Variants in LPCAT1 observed in about 807,000 individuals in gnomAD.
LPCAT1 encodes the protein 1-acylglycerol-3-phosphate O-acyltransferase.
A neutral mutation model predicts 60.9 loss-of-function variants in LPCAT1; 23 were observed. That is an observed-to-expected ratio of 0.38 (90% CI 0.27 to 0.53). LPCAT1 has a LOEUF of 0.53. LPCAT1 is among the 20% of genes least tolerant of loss of function. The pLI is 0.82. For missense variants in LPCAT1, 622 were observed against 723.6 expected (o/e 0.86, Z 1.61); for synonymous variants, 340 against 301.1 (o/e 1.13, Z -1.34).
intron 9 of LPCAT1, among the ~76,000 whole-genome samples, chr5:1,475,546 T>C (rs935796283): frequency 1.3e-5 from 2 of 152,142 alleles, no homozygotes; most frequent in Non-Finnish European, 2.9e-5. Context: ...GCGAGCCCCA[T>C]CCCAGATGAA....
chr5:1,475,567 G>A (rs960758667), intron 9 of LPCAT1, among the ~76,000 whole-genome samples: 4 of 152,356 alleles, frequency 2.6e-5, no homozygotes, highest in South Asian at 2.1e-4. Context: ...AACCAAGGTC[G>A]AGGAAGGATG....
intron 3 of LPCAT1, among the ~76,000 whole-genome samples, chr5:1,492,150 C>T (rs530966713): frequency 2.1e-4 from 27 of 126,742 alleles, no homozygotes; most frequent in African/African-American, 6.2e-4. Context: ...GCTGGGACCA[C>T]GGGAGATGTC....
At chr5:1,472,347 A>G (rs1180176459) in intron 11 of LPCAT1, among the ~76,000 whole-genome samples, 3 of 152,092 alleles carry the variant, frequency 2.0e-5, no homozygotes, top group Non-Finnish European at 4.4e-5. Context: ...GGTGAGACGC[A>G]CACAGGTCCC....
At position 1,483,489 on chromosome 5, in the gene LPCAT1, G is replaced by A; in HGVS notation, c.668-3C>T. ...GGGCGCTCCAGGGATGAATGCACCT[G>A]CCGAGAAAGGAACAGCGGTGTTGCC... On this transcript the variant is annotated splice_polypyrimidine_tract_variant and splice_region_variant and intron_variant, in intron 5 of 13. Coordinates refer to ENST00000283415, the MANE Select transcript of LPCAT1 (RefSeq NM_024830.5). The surrounding 1 kb of genome is among the most constrained non-coding windows in gnomAD (Gnocchi z 9.2). 1.2e-6 allele frequency: 2 copies of A among 1,613,706 alleles called. No individual in the cohort carries two copies. Among genetic ancestry groups the A allele is most frequent in the Non-Finnish European group, 1.7e-6 (2 of 1,179,960 alleles).
Position 1,487,187 on chromosome 5 carries a change from G to A in LPCAT1, c.667+1204C>T, listed in dbSNP as rs1400655329. 1.3e-5 allele frequency among the ~76,000 whole-genome samples: 2 copies of A among 152,214 alleles called. No individual in the cohort carries two copies. The highest frequency in any genetic ancestry group is 2.9e-5 in the Non-Finnish European group (2 of 68,044). The stretch of plus-strand genomic sequence containing the variant: ...ACAAGACCTGACGTACTTGCCAGCT[G>A]TCTTCTGCCTGGGGCCTTGGAAACA... On this transcript the variant is annotated intron_variant, in intron 5 of 13. Coordinates refer to ENST00000283415, the MANE Select transcript of LPCAT1 (RefSeq NM_024830.5). The surrounding 1 kb of genome is among the most constrained non-coding windows in gnomAD (Gnocchi z 6.1).
chr5:1,500,442 T>C (rs1304179500), intron 2 of LPCAT1, among the ~76,000 whole-genome samples: 1 of 152,252 alleles, frequency 6.6e-6, no homozygotes, highest in African/African-American at 2.4e-5. Context: ...GTATTCCTCA[T>C]CGGGTAGGTG....
intron 1 of LPCAT1, among the ~76,000 whole-genome samples, chr5:1,504,411 C>T (rs886787969): frequency 1.3e-5 from 2 of 152,258 alleles, no homozygotes; most frequent in Non-Finnish European, 2.9e-5. Flanking sequence ...ACAAGCCTGG[C>T]TCTGCTGTTA....
rs1030490319 is a variant in LPCAT1 at position 1,480,396 on chromosome 5, C to T, written c.761+546G>A. On this transcript the variant is annotated intron_variant, in intron 7 of 13. Transcript: ENST00000283415. The surrounding 1 kb of genome is among the most constrained non-coding windows in gnomAD (Gnocchi z 6.4). Reference sequence around the variant, plus strand: ...GACTTTCCCGCTCCCTCTGCCCTCCCGACGTCAGCTCAGACGTCAGCACCC... The same window carrying T: ...GACTTTCCCGCTCCCTCTGCCCTCCTGACGTCAGCTCAGACGTCAGCACCC... The T allele has an allele frequency of 1.3e-5, 13 of 985,148 alleles. No individual in the cohort carries two copies. In the Admixed American group the frequency reaches 1.8e-4, roughly 14 times the overall value. The allele number at this position is 985,148 out of a possible 1,614,324, so 61.0% of individuals were successfully genotyped here.
At position 1,494,589 on chromosome 5, in the gene LPCAT1, G is replaced by T. The variant is rs1579792625; in HGVS notation, c.493+111C>A. ...GGGGTCTCACTCATTCCCAACAGAG[G>T]GGGGACCCTCACTCCCAGCAGGAGG... On this transcript the variant is annotated intron_variant, in intron 3 of 13. Coordinates refer to ENST00000283415, the MANE Select transcript of LPCAT1 (RefSeq NM_024830.5). 10 of 1,028,828 alleles carry T rather than the reference G, an allele frequency of 9.7e-6. No homozygotes were observed. In the South Asian group the frequency reaches 1.2e-4, roughly 12 times the overall value. The allele number at this position is 1,028,828 out of a possible 1,614,324, so 63.7% of individuals were successfully genotyped here. A position where few individuals can be genotyped will look rare whatever the true frequency, so the allele number is the denominator to read the frequency against.
chr5:1,504,058 CTCTT>C, intron 1 of LPCAT1, among the ~76,000 whole-genome samples: 1 of 152,322 alleles, frequency 6.6e-6, no homozygotes, highest in East Asian at 1.9e-4. Flanking sequence ...TTATTAGTTC[CTCTT>C]TCTTCTGCTT....
chr5:1,514,469 T>A (rs1164356978), intron 1 of LPCAT1, among the ~76,000 whole-genome samples: 1 of 152,162 alleles, frequency 6.6e-6, no homozygotes, highest in African/African-American at 2.4e-5. Flanking sequence ...CCAGGCTGTG[T>A]CCCAGGACAC....
Position 1,463,995 on chromosome 5 carries a change from C to A in LPCAT1, c.1421-160G>T, listed in dbSNP as rs118103887. On this transcript the variant is annotated intron_variant, in intron 13 of 13. Coordinates refer to ENST00000283415, the MANE Select transcript of LPCAT1 (RefSeq NM_024830.5). ...GATGCTTTCAGGGTGGAGAGAAGAA[C>A]TTGCGCTTACTTTCTTTGCAGCGCA... Among the ~76,000 whole-genome samples the A allele has an allele frequency of 5.9e-5, 9 of 152,348 alleles. 1 individual carries two copies. The East Asian group carries it at 1.7e-3, about 29-fold the overall frequency.
rs747077736 is a variant in LPCAT1, at chr5:1,481,985, T to C, written c.727-1009A>G. 4.6e-5 allele frequency among the ~76,000 whole-genome samples: 7 copies of C among 152,260 alleles called. No homozygotes were observed. Among genetic ancestry groups the C allele is most frequent in the Non-Finnish European group, 1.0e-4 (7 of 68,048 alleles). On this transcript the variant is annotated intron_variant, in intron 6 of 13. Coordinates refer to ENST00000283415, the MANE Select transcript of LPCAT1 (RefSeq NM_024830.5). The surrounding 1 kb of genome is among the most constrained non-coding windows in gnomAD (Gnocchi z 7.8). The stretch of plus-strand genomic sequence containing the variant: ...CCTGTATTTCTGCCCCACTATGTCC[T>C]GACCCACGGGGGTTTTCTTTCAGTG...
chr5:1,523,845 G>A lies in LPCAT1; in HGVS notation c.-1C>T. On this transcript the variant is annotated 5_prime_UTR_variant, in exon 1 of 14. Transcript: ENST00000283415. The surrounding 1 kb of genome is among the most constrained non-coding windows in gnomAD (Gnocchi z 7.1). ...GGGGTCCGCATCCCCGCAGCCTCAT[G>A]GCCGCGCCGTCCCGCGGCGAGCGCA... 9.4e-7 allele frequency: 1 copy of A among 1,062,254 alleles called. No homozygotes were observed. Among genetic ancestry groups the A allele is most frequent in the Admixed American group, 5.5e-5 (1 of 18,082 alleles). 65.8% of individuals were successfully genotyped at this position (1,062,254 alleles called of 1,614,324 possible). A position where few individuals can be genotyped will look rare whatever the true frequency, so the allele number is the denominator to read the frequency against.
intron 13 of LPCAT1, among the ~76,000 whole-genome samples, chr5:1,466,000 T>G (rs1560946300): frequency 6.6e-6 from 1 of 152,116 alleles, no homozygotes; most frequent in Non-Finnish European, 1.5e-5. Context: ...GCACAGACGC[T>G]GTGCACGCAG....
At chr5:1,518,540 C>T (rs1225498467) in intron 1 of LPCAT1, among the ~76,000 whole-genome samples, 1 of 152,226 alleles carries the variant, frequency 6.6e-6, no homozygotes, top group East Asian at 1.9e-4. Flanking sequence ...CGGGGTTTCA[C>T]CGTGTTAGCC....
intron 11 of LPCAT1, among the ~76,000 whole-genome samples, chr5:1,473,492 G>C (rs1198145763): frequency 6.6e-6 from 1 of 152,270 alleles, no homozygotes; most frequent in Non-Finnish European, 1.5e-5. Flanking sequence ...TGGGGATGAC[G>C]TGCGGAGGGC....
chr5:1,484,377 A>G (rs960446781), intron 5 of LPCAT1, among the ~76,000 whole-genome samples: 5 of 152,224 alleles, frequency 3.3e-5, no homozygotes, highest in African/African-American at 1.2e-4. Context: ...TTCTATTTAA[A>G]TCTCTATTGA....
At chr5:1,516,543 T>C (rs920347796) in intron 1 of LPCAT1, among the ~76,000 whole-genome samples, 8 of 152,150 alleles carry the variant, frequency 5.3e-5, no homozygotes, top group African/African-American at 1.9e-4. Context: ...TCCAGGGCCC[T>C]TGCCCTCCAG....
Sources: gnomAD v4.1 joint callset for allele counts (sites outside exome capture counted in the v4.1 genomes callset) on GRCh38, gnomAD v4.1.1 for gene constraint, Gnocchi (gnomAD v3.1) non-coding constraint, MANE v1.5 for transcripts, NCBI Gene and HGNC (gene_info 2026-07-23, HGNC 2026-07-21) for gene names.